The following CACNG2 variants were observed in gnomAD, a reference collection of about 807,000 sequenced individuals.
CACNG2 encodes voltage-dependent calcium channel gamma-2 subunit.
A neutral mutation model predicts 25.9 loss-of-function variants in CACNG2; 3 were observed. The ratio of observed to expected loss-of-function variants is 0.12; its 90% CI spans 0.05 to 0.30. CACNG2 has a LOEUF of 0.30. Among genes scored for constraint, CACNG2 ranks in the 10% least tolerant of loss-of-function variants. The pLI, the probability that CACNG2 is intolerant of heterozygous loss-of-function variation, is 1.00. For synonymous variants in CACNG2, 167 were observed against 173.3 expected (o/e 0.96, Z 0.29); for missense variants, 341 against 432.5 (o/e 0.79, Z 1.88).
At chr22:36,610,246 C>T (rs921154609) in intron 1 of CACNG2, among the ~76,000 whole-genome samples, 3 of 147,760 alleles carry the variant, frequency 2.0e-5, no homozygotes, top group African/African-American at 7.6e-5. Flanking sequence ...CTCCCCAGAG[C>T]GTGATTGGGA....
intron 1 of CACNG2, among the ~76,000 whole-genome samples, chr22:36,655,701 T>TTCTC (rs898187572): frequency 6.6e-6 from 1 of 150,438 alleles, no homozygotes; most frequent in African/African-American, 2.5e-5. Flanking sequence ...CTTCCTTTCT[T>TTCTC]TCTTTCTCTT....
chr22:36,668,306 T>C (rs941236744), intron 1 of CACNG2, among the ~76,000 whole-genome samples: 2 of 152,198 alleles, frequency 1.3e-5, no homozygotes, highest in Non-Finnish European at 2.9e-5. Flanking sequence ...TTAGCCTGGG[T>C]TCTCCAGAGA....
At position 36,672,488 on chromosome 22, in the gene CACNG2, G is replaced by A. The variant is rs1432183887; in HGVS notation, c.211+29878C>T. ...GGAAGGCCAAGAGCAAGAGGAAACC[G>A]GGAAACCACAGGCACTGAGGATTCT... On this transcript the variant is annotated intron_variant, in intron 1 of 3. Coordinates refer to ENST00000300105, the MANE Select transcript of CACNG2 (RefSeq NM_006078.5). Among the ~76,000 whole-genome samples the A allele has an allele frequency of 3.3e-5, 5 of 152,140 alleles. No individual in the cohort carries two copies. The East Asian group carries it at 5.8e-4, about 18-fold the overall frequency.
At chr22:36,612,588 C>T (rs1436515395) in intron 1 of CACNG2, among the ~76,000 whole-genome samples, 4 of 152,202 alleles carry the variant, frequency 2.6e-5, no homozygotes, top group African/African-American at 7.2e-5. Flanking sequence ...GAGAGGCCAC[C>T]TCCTGGTTAT....
intron 1 of CACNG2, among the ~76,000 whole-genome samples, chr22:36,642,670 C>T (rs1378875677): frequency 6.6e-6 from 1 of 152,210 alleles, no homozygotes; most frequent in Admixed American, 6.5e-5. Context: ...GCCCTGCATC[C>T]TCATCTGTCC....
intron 2 of CACNG2, among the ~76,000 whole-genome samples, chr22:36,578,645 G>A (rs1051322280): frequency 1.3e-5 from 2 of 152,156 alleles, no homozygotes; most frequent in Non-Finnish European, 2.9e-5. Context: ...GAGGTGGGGA[G>A]AGAGGGGCAA....
intron 1 of CACNG2, among the ~76,000 whole-genome samples, chr22:36,629,000 G>A (rs2145956401): frequency 6.6e-6 from 1 of 152,020 alleles, no homozygotes. Context: ...AAAAAAAACT[G>A]ACAACTGTCA....
chr22:36,675,467 C>T (rs573608793), intron 1 of CACNG2, among the ~76,000 whole-genome samples: 14 of 152,196 alleles, frequency 9.2e-5, no homozygotes, highest in Non-Finnish European at 1.2e-4. Context: ...GGAGTGGATT[C>T]CATCCTGCAA....
At chr22:36,662,374 T>C (rs1405018426) in intron 1 of CACNG2, among the ~76,000 whole-genome samples, 1 of 152,204 alleles carries the variant, frequency 6.6e-6, no homozygotes, top group Non-Finnish European at 1.5e-5. Flanking sequence ...GAGCGATCAG[T>C]GATCTGCCAG....
intron 1 of CACNG2, among the ~76,000 whole-genome samples, chr22:36,619,483 A>G (rs1341055327): frequency 1.3e-5 from 2 of 152,228 alleles, no homozygotes; most frequent in Non-Finnish European, 2.9e-5. Context: ...GTGTCTATTG[A>G]GTTCACTACG....
intron 1 of CACNG2, among the ~76,000 whole-genome samples, chr22:36,601,315 T>A (rs1331851246): frequency 6.6e-6 from 1 of 152,222 alleles, no homozygotes; most frequent in African/African-American, 2.4e-5. Context: ...GTTTCATGCA[T>A]GTTGTGGCAA....
chr22:36,677,002 T>G (rs1437963110), intron 1 of CACNG2, among the ~76,000 whole-genome samples: 1 of 150,592 alleles, frequency 6.6e-6, no homozygotes, highest in Non-Finnish European at 1.5e-5. Context: ...CAAATTCATC[T>G]GAAATTGCAG....
At chr22:36,591,412 G>T (rs996093295) in intron 1 of CACNG2, among the ~76,000 whole-genome samples, 1 of 152,136 alleles carries the variant, frequency 6.6e-6, no homozygotes, top group Non-Finnish European at 1.5e-5. Flanking sequence ...GGGGGCAGTG[G>T]CTCAGCCTTA....
At chr22:36,653,288 C>T (rs190908906) in intron 1 of CACNG2, among the ~76,000 whole-genome samples, 8 of 152,356 alleles carry the variant, frequency 5.3e-5, no homozygotes, top group Non-Finnish European at 1.2e-4. Flanking sequence ...CACATCATTG[C>T]ATTCCAGCCT....
intron 2 of CACNG2, among the ~76,000 whole-genome samples, chr22:36,577,803 C>G (rs1915672369): frequency 6.6e-6 from 1 of 152,070 alleles, no homozygotes; most frequent in South Asian, 2.1e-4. Context: ...GTTTCCTAAC[C>G]ATGGGGTGGG....
intron 1 of CACNG2, among the ~76,000 whole-genome samples, chr22:36,691,517 G>T (rs994997199): frequency 3.9e-5 from 6 of 152,160 alleles, no homozygotes; most frequent in African/African-American, 1.4e-4. Flanking sequence ...GTTCAGCATT[G>T]CCCTCAACAT....
At chr22:36,621,448 T>C (rs1209545721) in intron 1 of CACNG2, among the ~76,000 whole-genome samples, 1 of 151,640 alleles carries the variant, frequency 6.6e-6, no homozygotes, top group Non-Finnish European at 1.5e-5. Context: ...CACATACCTA[T>C]AAACTCAGCT....
chr22:36,600,704 G>T (rs1297337702), intron 1 of CACNG2, among the ~76,000 whole-genome samples: 1 of 151,980 alleles, frequency 6.6e-6, no homozygotes, highest in Non-Finnish European at 1.5e-5. Context: ...GCACCACCAA[G>T]CTTGGCTAAC....
chr22:36,684,189 A>T (rs536832119), intron 1 of CACNG2, among the ~76,000 whole-genome samples: 1 of 152,350 alleles, frequency 6.6e-6, no homozygotes, highest in East Asian at 1.9e-4. Context: ...TGGTATAGGG[A>T]TGAACATTTA....
Sources: gnomAD v4.1 joint callset for allele counts (sites outside exome capture counted in the v4.1 genomes callset) on GRCh38, gnomAD v4.1.1 for gene constraint, MANE v1.5 for transcripts, NCBI Gene and HGNC (gene_info 2026-07-23, HGNC 2026-07-21) for gene names.